Variants in REPS2 observed in about 807,000 individuals in gnomAD.
The protein encoded by REPS2 is ralBP1-associated Eps domain-containing protein 2.
In REPS2, 23 loss-of-function variants were observed where a neutral mutation model predicts 53.6. The observed-to-expected ratio is 0.43, with a 90% CI of 0.31 to 0.61. The LOEUF is 0.61. Ranked by LOEUF, REPS2 falls within the 20% of genes least tolerant of loss-of-function variation. The pLI is 0.11. For synonymous variants in REPS2, 238 were observed against 218.6 expected (o/e 1.09, Z -0.78); for missense variants, 446 against 534.9 (o/e 0.83, Z 1.64).
At chrX:16,949,528 C>T (rs1470256569) in intron 1 of REPS2, among the ~76,000 whole-genome samples, 1 of 112,224 alleles carries the variant, frequency 8.9e-6, no homozygotes, top group Non-Finnish European at 1.9e-5. Context: ...CCGCCTCAGC[C>T]TCCTGAGTAG....
At chrX:17,065,741 C>G (rs1041899601) in intron 9 of REPS2, among the ~76,000 whole-genome samples, 25 of 111,304 alleles carry the variant, frequency 2.2e-4, no homozygotes, top group African/African-American at 8.2e-4. Flanking sequence ...TGCGTGCCAC[C>G]AAGCCCAGAT....
intron 6 of REPS2, among the ~76,000 whole-genome samples, chrX:17,048,989 G>A (rs1028498574): frequency 5.4e-5 from 6 of 111,450 alleles, no homozygotes; most frequent in Admixed American, 2.9e-4. Context: ...TCCGCCTCCC[G>A]GGTTCAAATG....
downstream of REPS2, among the ~76,000 whole-genome samples, chrX:17,155,655 A>C (rs769941323): frequency 1.8e-5 from 2 of 112,270 alleles, no homozygotes; most frequent in East Asian, 5.6e-4. Context: ...GTGTTCTCCC[A>C]AATTTTTCCT....
At chrX:16,964,798 A>C (rs1234013529) in intron 1 of REPS2, among the ~76,000 whole-genome samples, 1 of 59,979 alleles carries the variant, frequency 1.7e-5, no homozygotes, top group Non-Finnish European at 3.2e-5. Flanking sequence ...TGACCCCCCC[A>C]CCTCCCTCCC....
In REPS2 at chrX:17,062,540, A is replaced by G. The variant is rs1263344202; in HGVS notation, c.1209+8A>G. The G allele has an allele frequency of 1.8e-6, 2 of 1,139,913 alleles. No homozygotes were observed. The highest frequency in any genetic ancestry group is 2.4e-6 in the Non-Finnish European group (2 of 836,075). The allele number at this position is 1,139,913 out of a possible 1,213,427, so 93.9% of individuals were successfully genotyped here. On this transcript the variant is annotated splice_region_variant and intron_variant, in intron 9 of 17. Transcript: ENST00000357277. Reference sequence around the variant, plus strand: ...GACTTGAATCGGATGGAGGTAAAAGATCTTCATATGCTAATAAATAAGGAT... The same window carrying G: ...GACTTGAATCGGATGGAGGTAAAAGGTCTTCATATGCTAATAAATAAGGAT...
intron 13 of REPS2, among the ~76,000 whole-genome samples, chrX:17,082,158 G>A (rs762760100): frequency 8.9e-6 from 1 of 112,175 alleles, no homozygotes; most frequent in Non-Finnish European, 1.9e-5. Context: ...AGGTTTCCAT[G>A]GTGACAGTAA....
chrX:17,158,467 T>C, the REPS2 span, among the ~76,000 whole-genome samples: 11 of 111,708 alleles, frequency 9.8e-5, no homozygotes, highest in Non-Finnish European at 2.1e-4. Flanking sequence ...TCAATATGTA[T>C]CATAGATCTG....
At chrX:17,093,166 CTATATATATA>C (rs58530978) in intron 13 of REPS2, among the ~76,000 whole-genome samples, 5 of 39,122 alleles carry the variant, frequency 1.3e-4, no homozygotes, top group African/African-American at 4.8e-4. Flanking sequence ...TGAGTTAATG[CTATATATATA>C]TATATATATA....
At chrX:17,028,044 C>T (rs1195088354) in intron 4 of REPS2, among the ~76,000 whole-genome samples, 2 of 111,145 alleles carry the variant, frequency 1.8e-5, no homozygotes, top group East Asian at 2.8e-4. Context: ...CCAAAAAAGG[C>T]CCCCCATGCA....
chrX:17,099,941 G>C lies in REPS2; in HGVS notation c.1517-3777G>C, dbSNP rs1351347066. The C allele has an allele frequency of 3.5e-6, 4 of 1,146,011 alleles. No individual in the cohort carries two copies. In the South Asian group the frequency reaches 7.2e-5, roughly 21 times the overall value. The allele number at this position is 1,146,011 out of a possible 1,213,427, so 94.4% of individuals were successfully genotyped here. ...TCAGGAACATGAGCTCTCCACTGGA[G>C]TCTGTAGCTCCAATAATCTGCTCCG... On this transcript the variant is annotated intron_variant, in intron 13 of 17. Transcript: ENST00000357277.
chrX:16,979,441 G>A (rs2060995168), intron 1 of REPS2, among the ~76,000 whole-genome samples: 1 of 111,575 alleles, frequency 9.0e-6, no homozygotes, highest in African/African-American at 3.3e-5. Context: ...GGATGTAGGC[G>A]GAGGATAAAT....
At chrX:16,953,128 C>T (rs867489951) in intron 1 of REPS2, among the ~76,000 whole-genome samples, 1 of 94,689 alleles carries the variant, frequency 1.1e-5, no homozygotes, top group Non-Finnish European at 2.2e-5. Context: ...CACACACACA[C>T]ACACACACAC....
chrX:17,062,277 A>G (rs2062168190), intron 8 of REPS2, among the ~76,000 whole-genome samples, 161 bp from the exon 9 acceptor site: 1 of 112,389 alleles, frequency 8.9e-6, no homozygotes, highest in African/African-American at 3.2e-5. Flanking sequence ...GTCCATATAA[A>G]GAACTGAAAG....
intron 1 of REPS2, among the ~76,000 whole-genome samples, chrX:16,986,543 GT>G (rs942637051): frequency 8.9e-6 from 1 of 112,046 alleles, no homozygotes; most frequent in Non-Finnish European, 1.9e-5. Flanking sequence ...GAACCAAGGA[GT>G]TTGTGTGCTT....
intron 13 of REPS2, among the ~76,000 whole-genome samples, chrX:17,095,146 G>T (rs2062678786): frequency 8.9e-6 from 1 of 111,812 alleles, no homozygotes; most frequent in Non-Finnish European, 1.9e-5. Context: ...TGGAATATAT[G>T]AGCAAATTGA....
intron 11 of REPS2, among the ~76,000 whole-genome samples, chrX:17,072,620 C>T (rs192886556): frequency 1.7e-4 from 19 of 112,471 alleles, no homozygotes; most frequent in African/African-American, 5.8e-4. Flanking sequence ...TTTATCATGG[C>T]GGGGACCTCT....
chrX:17,159,106 T>C, the REPS2 span, among the ~76,000 whole-genome samples: 4 of 111,783 alleles, frequency 3.6e-5, no homozygotes, highest in Admixed American at 3.8e-4. Flanking sequence ...GCTCCCACTG[T>C]GTGTTCAGCT....
intron 14 of REPS2, among the ~76,000 whole-genome samples, chrX:17,132,025 C>T (rs1198769934): frequency 1.8e-5 from 2 of 110,595 alleles, no homozygotes; most frequent in Non-Finnish European, 3.8e-5. Flanking sequence ...TTTCAGACTC[C>T]CTCCTTCAAT....
chrX:17,029,079 T>C (rs2061678625), intron 4 of REPS2, among the ~76,000 whole-genome samples: 1 of 112,325 alleles, frequency 8.9e-6, no homozygotes, highest in Non-Finnish European at 1.9e-5. Flanking sequence ...GTTTGATTTA[T>C]TTTTCAAAAA....
Sources: gnomAD v4.1 joint callset for allele counts (sites outside exome capture counted in the v4.1 genomes callset) on GRCh38, gnomAD v4.1.1 for gene constraint, MANE v1.5 for transcripts, NCBI Gene and HGNC (gene_info 2026-07-23, HGNC 2026-07-21) for gene names.